The following SLC19A1 variants were observed in gnomAD, a reference collection of about 807,000 sequenced individuals.
SLC19A1 encodes the protein solute carrier family 19 member 1, also known as reduced folate transporter.
In SLC19A1, 37 loss-of-function variants were observed where a neutral mutation model predicts 35.3. That is an observed-to-expected ratio of 1.05 (90% CI 0.81 to 1.38). SLC19A1 has a LOEUF of 1.38. Among genes scored for constraint, SLC19A1 ranks in the 40% most tolerant of loss-of-function variants. The pLI, the probability that SLC19A1 is intolerant of heterozygous loss-of-function variation, is 0.00. For synonymous variants in SLC19A1, 460 were observed against 398.5 expected (o/e 1.15, Z -1.84); for missense variants, 831 against 826.9 (o/e 1.00, Z -0.06).
At chr21:45,505,583 A>C (rs940205978) in intron 3 of SLC19A1, 1 of 679,534 alleles carries the variant, frequency 1.5e-6, no homozygotes, top group African/African-American at 1.8e-5. Flanking sequence ...GGGCCAGGCC[A>C]TGGGGGAATC....
chr21:45,545,148 C>T (rs556495355), upstream of SLC19A1, among the ~76,000 whole-genome samples: 129 of 152,318 alleles, frequency 8.5e-4, no homozygotes, highest in Non-Finnish European at 1.5e-3. Flanking sequence ...CAGATGGACA[C>T]AGACATGCGC....
At position 45,505,438 on chromosome 21, in the gene SLC19A1, GTC is replaced by G. The variant is rs373823632; in HGVS notation, c.498-6828_498-6827del. The G allele has an allele frequency of 0.017, 25,106 of 1,510,956 alleles. 341 individuals carry two copies. The highest frequency in any genetic ancestry group is 0.045 in the Middle Eastern group (198 of 4,378). 93.6% of individuals were successfully genotyped at this position (1,510,956 alleles called of 1,614,324 possible). A position where few individuals can be genotyped will look rare whatever the true frequency, so the allele number is the denominator to read the frequency against. The stretch of plus-strand genomic sequence containing the variant: ...CATGGGCGCCTCCTCAGGGGTAAGT[GTC>G]TGGGCAGCCGGCTGGGCACCTGCGT... On this transcript the variant is annotated intron_variant, in intron 3 of 4. Coordinates refer to the SLC19A1 transcript ENST00000417954.
intron 1 of SLC19A1, among the ~76,000 whole-genome samples, chr21:45,539,826 A>G (rs1281658608): frequency 6.6e-6 from 1 of 152,130 alleles, no homozygotes; most frequent in South Asian, 2.1e-4. Flanking sequence ...TGGGCTTGCA[A>G]TGGGGGCCGC....
chr21:45,537,724 GC>G, intron 2 of SLC19A1, 46 bp downstream of exon 2: 1 of 130,900 alleles, frequency 7.6e-6, no homozygotes. Flanking sequence ...GCTGCTCCCC[GC>G]CCACCCACCC....
Position 45,514,874 on chromosome 21 carries a change from C to T in SLC19A1, c.*784G>A. 1 of 934,058 alleles carries T rather than the reference C, an allele frequency of 1.1e-6. No homozygotes were observed. 57.9% of individuals were successfully genotyped at this position (934,058 alleles called of 1,614,324 possible). A position where few individuals can be genotyped will look rare whatever the true frequency, so the allele number is the denominator to read the frequency against. ...AGGCAGCCCCCCCAAGGCTGCCCAG[C>T]CCAGGCAAGCCTGGCACATACCAAG... On this transcript the variant is annotated 3_prime_UTR_variant, in exon 6 of 6. Transcript: ENST00000311124.
intron 4 of SLC19A1, among the ~76,000 whole-genome samples, chr21:45,528,193 G>C (rs1032547930): frequency 6.6e-6 from 1 of 152,074 alleles, no homozygotes; most frequent in African/African-American, 2.4e-5. Flanking sequence ...GAACAACAGG[G>C]AGAACTGAGC....
At chr21:45,520,448 A>G (rs2077403704) in intron 5 of SLC19A1, among the ~76,000 whole-genome samples, 1 of 152,348 alleles carries the variant, frequency 6.6e-6, no homozygotes, top group African/African-American at 2.4e-5. Context: ...AACAAAGGCC[A>G]AAAAATGGAA....
chr21:45,519,598 C>G (rs1003778731), intron 5 of SLC19A1, among the ~76,000 whole-genome samples: 5 of 140,466 alleles, frequency 3.6e-5, no homozygotes, highest in African/African-American at 1.4e-4. Flanking sequence ...AAAAAAAGAC[C>G]AGGGACAGCA....
rs1368195490 is a variant in SLC19A1 at position 45,505,287 on chromosome 21, G to GT, written c.498-6676dup. 2.5e-6 allele frequency: 4 copies of GT among 1,607,710 alleles called. No individual in the cohort carries two copies. The African/African-American group carries it at 4.0e-5, about 16-fold the overall frequency. On this transcript the variant is annotated intron_variant, in intron 3 of 4. Transcript: ENST00000417954. The stretch of plus-strand genomic sequence containing the variant: ...TGGCCCTCACAGGCAGAGTAAGTCA[G>GT]TGGGGAGTGGGCCCCGGGCAGAGGC...
chr21:45,552,790 G>A (rs971763159), intron 1 of SLC19A1, among the ~76,000 whole-genome samples: 1 of 152,102 alleles, frequency 6.6e-6, no homozygotes, highest in Non-Finnish European at 1.5e-5. Flanking sequence ...GACCTGACAC[G>A]GGAGTCTCTG....
At chr21:45,557,302 C>T (rs1277032639) in intron 1 of SLC19A1, among the ~76,000 whole-genome samples, 1 of 152,208 alleles carries the variant, frequency 6.6e-6, no homozygotes, top group African/African-American at 2.4e-5. Context: ...GGAGACAGAC[C>T]TTGGCCTCGT....
rs374737597 is a variant in SLC19A1 at position 45,537,757 on chromosome 21, C to A, written c.189+14G>T. 2 of 1,403,512 alleles carry A rather than the reference C, an allele frequency of 1.4e-6. No homozygotes were observed. The highest frequency in any genetic ancestry group is 2.8e-5 in the East Asian group (1 of 35,148). The allele number at this position is 1,403,512 out of a possible 1,614,324, so 86.9% of individuals were successfully genotyped here. On this transcript the variant is annotated intron_variant, in intron 2 of 5. Coordinates refer to ENST00000311124, the MANE Select transcript of SLC19A1 (RefSeq NM_194255.4). ...ACCCACAGGCGGCCGCCCGGCACCC[C>A]GGCACCCACATGCCTGCTCCCGCGT... is the stretch of plus-strand genomic sequence containing the variant.
chr21:45,545,388 C>G (rs898291381), upstream of SLC19A1, among the ~76,000 whole-genome samples: 5 of 151,888 alleles, frequency 3.3e-5, no homozygotes, highest in African/African-American at 1.2e-4. Context: ...CCCTTGCCCT[C>G]CCCTCCTCCC....
downstream of SLC19A1, chr21:45,512,320 G>T: frequency 1.2e-6 from 2 of 1,612,530 alleles, no homozygotes; most frequent in Non-Finnish European, 1.7e-6. Flanking sequence ...GCAGGCTCCT[G>T]GGGCAGAGTG....
At position 45,505,145 on chromosome 21, in the gene SLC19A1, A is replaced by G. The variant is rs2146080602; in HGVS notation, c.498-6533T>C. ...GTCGCCGTCCGTAGGGTCCCAAGGGAGAGAGCATCCGGGGCCAGCCCGGCC... is the reference window on the plus strand; with the variant it reads ...GTCGCCGTCCGTAGGGTCCCAAGGGGGAGAGCATCCGGGGCCAGCCCGGCC... On this transcript the variant is annotated intron_variant, in intron 3 of 4. Coordinates refer to the SLC19A1 transcript ENST00000417954. 5.0e-6 allele frequency: 8 copies of G among 1,609,518 alleles called. No homozygotes were observed. The highest frequency in any genetic ancestry group is 6.8e-6 in the Non-Finnish European group (8 of 1,178,864).
At position 45,557,680 on chromosome 21, in the gene SLC19A1, C is replaced by G. The variant is rs369404995; in HGVS notation, c.-50+5062G>C. On this transcript the variant is annotated intron_variant, in intron 1 of 5. Transcript: ENST00000650808. ...GGGATGCTCTGAGGCTCCCGGGGAG[C>G]CTCAACCCTCCACCACACTCAGACA... Among the ~76,000 whole-genome samples the G allele has an allele frequency of 6.6e-5, 10 of 152,288 alleles. No homozygotes were observed. In the East Asian group the frequency reaches 1.9e-3, roughly 29 times the overall value.
chr21:45,503,898 C>T (rs191339857), intron 3 of SLC19A1: 38 of 1,078,526 alleles, frequency 3.5e-5, no homozygotes, highest in East Asian at 7.2e-5. Context: ...CGATCTCTAC[C>T]GCGAAATGGC....
chr21:45,507,642 G>C (rs548016223), downstream of SLC19A1: 4 of 1,561,596 alleles, frequency 2.6e-6, no homozygotes, highest in African/African-American at 4.1e-5. Flanking sequence ...AGGACATGAG[G>C]GGGTATGTGC....
chr21:45,526,781 A>T (rs2146301179), intron 4 of SLC19A1, among the ~76,000 whole-genome samples: 1 of 152,352 alleles, frequency 6.6e-6, no homozygotes, highest in Middle Eastern at 3.4e-3. Flanking sequence ...CATGTTGGCC[A>T]GGCTGGTCTC....
Sources: gnomAD v4.1 joint callset for allele counts (sites outside exome capture counted in the v4.1 genomes callset) on GRCh38, gnomAD v4.1.1 for gene constraint, MANE v1.5 for transcripts, NCBI Gene and HGNC (gene_info 2026-07-23, HGNC 2026-07-21) for gene names.